PCNA: variants seen among roughly 807,000 people sequenced by gnomAD.
PCNA encodes DNA sliding clamp PCNA.
In PCNA, 4 loss-of-function variants were observed where a neutral mutation model predicts 27.8. The ratio of observed to expected loss-of-function variants is 0.14; its 90% CI spans 0.07 to 0.33. The LOEUF is 0.33. PCNA is among the 10% of genes least tolerant of loss of function. The probability of loss-of-function intolerance (pLI) is 1.00; values close to 1 mark genes in which losing one functional copy is unlikely to be tolerated. For missense variants in PCNA, 165 were observed against 327.4 expected (o/e 0.50, Z 3.83); for synonymous variants, 121 against 119.4 (o/e 1.01, Z -0.09).
chr20:5,124,093 CAG>C (rs2090531871), upstream of PCNA, among the ~76,000 whole-genome samples: 7 of 152,238 alleles, frequency 4.6e-5, no homozygotes, highest in South Asian at 1.5e-3. Flanking sequence ...TCAATGGAGA[CAG>C]AATTTTAACC....
chr20:5,125,840 C>A (rs965587217), intron 1 of PCNA, among the ~76,000 whole-genome samples: 4 of 152,144 alleles, frequency 2.6e-5, no homozygotes, highest in African/African-American at 9.7e-5. Flanking sequence ...CAAGTACTTA[C>A]AATGGATGTG....
chr20:5,120,167 C>T (rs942627239), upstream of PCNA: 1 of 252,500 alleles, frequency 4.0e-6, no homozygotes, highest in Non-Finnish European at 8.1e-6. Flanking sequence ...CTCCTGAACC[C>T]GGCCGCAGAA....
At chr20:5,116,430 A>T (rs533798888) in intron 4 of PCNA, among the ~76,000 whole-genome samples, 7 of 146,750 alleles carry the variant, frequency 4.8e-5, no homozygotes, top group South Asian at 2.1e-4. Flanking sequence ...TTATTAATTT[A>T]AAAAAAAACC....
chr20:5,122,657 T>C (rs1198194984), upstream of PCNA, among the ~76,000 whole-genome samples: 1 of 152,230 alleles, frequency 6.6e-6, no homozygotes, highest in African/African-American at 2.4e-5. Flanking sequence ...CTTGGGTCCG[T>C]TAAAATCTCA....
chr20:5,117,321 T>C, intron 4 of PCNA, 149 bp downstream of exon 4: 1 of 631,330 alleles, frequency 1.6e-6, no homozygotes, highest in South Asian at 2.0e-5. Context: ...GGATGACACT[T>C]ATAAATCATT....
chr20:5,115,829 T>G (rs1239817022), intron 4 of PCNA, among the ~76,000 whole-genome samples: 1 of 152,030 alleles, frequency 6.6e-6, no homozygotes, highest in Non-Finnish European at 1.5e-5. Flanking sequence ...AGCCAATAAG[T>G]GAATAAAACG....
In PCNA at chr20:5,115,556, T is replaced by G; in HGVS notation, c.599A>C (p.Asn200Thr). ...KEEEAVTIEMNEPVQLTFALR... is the reference protein window; with the variant it reads ...KEEEAVTIEMTEPVQLTFALR... ...TGCAAAAGTTAGTTGAACTGGTTCA[T>G]TCATCTCTATGGTAACCTACAAAAC... Residue 200 changes from asparagine to threonine, a missense_variant, in exon 5 of 6, where the codon AAT (asparagine) becomes ACT (threonine). Coordinates refer to ENST00000379143, the MANE Select transcript of PCNA (RefSeq NM_182649.2). 6.2e-7 allele frequency: 1 copy of G among 1,613,870 alleles called. No homozygotes were observed. Among genetic ancestry groups the G allele is most frequent in the East Asian group, 2.2e-5 (1 of 44,864 alleles).
In PCNA at chr20:5,119,529, C is replaced by T. The variant is rs372942945; in HGVS notation, c.221+49G>A. The T allele has an allele frequency of 1.1e-4, 160 of 1,485,062 alleles. No homozygotes were observed. The African/African-American group carries it at 2.0e-3, about 18-fold the overall frequency. The allele number at this position is 1,485,062 out of a possible 1,614,324, so 92.0% of individuals were successfully genotyped here. A position where few individuals can be genotyped will look rare whatever the true frequency, so the allele number is the denominator to read the frequency against. The stretch of plus-strand genomic sequence containing the variant: ...GCTCGAAAGCGCTCCCGCCAAGCAC[C>T]GGAGGTGCAGGCGGGCCGGGGCCGG... On this transcript the variant is annotated intron_variant, in intron 1 of 5. Coordinates refer to ENST00000379143, the MANE Select transcript of PCNA (RefSeq NM_182649.2).
chr20:5,115,578 A>G lies in PCNA; in HGVS notation c.583-6T>C, dbSNP rs774745077. 5.0e-6 allele frequency: 8 copies of G among 1,610,782 alleles called. No individual in the cohort carries two copies. The African/African-American group carries it at 6.7e-5, about 13-fold the overall frequency. ...TCATTCATCTCTATGGTAACCTACA[A>G]AACAAAAGATTCATCATTGAAAAAC... On this transcript the variant is annotated splice_polypyrimidine_tract_variant and splice_region_variant and intron_variant, in intron 4 of 5. Transcript: ENST00000379143.
At position 5,118,713 on chromosome 20, in the gene PCNA, GAC is replaced by G. The variant is rs767379678; in HGVS notation, c.320-38_320-37del. On this transcript the variant is annotated intron_variant, in intron 2 of 5. Transcript: ENST00000379143. ...AAAGCAGATGCTTTTGAGAAATACT[GAC>G]ACAGAGTTTTGATTTTCTGTAGCTT... 18 of 1,607,122 alleles carry G rather than the reference GAC, an allele frequency of 1.1e-5. No individual in the cohort carries two copies. The Admixed American group carries it at 1.2e-4, about 10-fold the overall frequency.
intron 4 of PCNA, among the ~76,000 whole-genome samples, chr20:5,116,648 T>C (rs909483942): frequency 1.3e-5 from 2 of 152,174 alleles, no homozygotes; most frequent in African/African-American, 4.8e-5. Context: ...ATGCCCAGGT[T>C]AGCGAGTTTT....
Position 5,119,654 on chromosome 20 carries a change from G to C in PCNA, c.145C>G (p.Gln49Glu). The C allele has an allele frequency of 6.2e-7, 1 of 1,613,574 alleles. No individual in the cohort carries two copies. Among genetic ancestry groups the C allele is most frequent in the Non-Finnish European group, 8.5e-7 (1 of 1,179,810 alleles). ...AAGCCCTCAGACCGCAGGGTGAGCT[G>C]CACCAAAGAGACGTGGGACGAGTCC... ...SMDSSHVSLV[Q>E]LTLRSEGFDT... Residue 49 changes from glutamine to glutamate, a missense_variant, in exon 1 of 6, where the codon CAG (glutamine) becomes GAG (glutamate). Gln to Glu is a conservative substitution (Grantham distance 29). Coordinates refer to ENST00000379143, the MANE Select transcript of PCNA (RefSeq NM_182649.2).
intron 4 of PCNA, 42 bp from the exon 5 acceptor site, chr20:5,115,614 T>C (rs764596994): frequency 8.5e-6 from 13 of 1,530,318 alleles, no homozygotes; most frequent in African/African-American, 1.4e-5. Context: ...ATCAAGAAAG[T>C]TGCAATCTAT....
At chr20:5,120,069 TCCCCGCGAGGCCCGC>T, upstream of PCNA, 1 of 461,158 alleles carries the variant, frequency 2.2e-6, no homozygotes, top group Middle Eastern at 6.1e-4. Context: ...GTGTCCATGC[TCCCCGCGAGGCCCGC>T]CCCCTAGAGC....
rs761910645 is a variant in PCNA at position 5,119,546 on chromosome 20, C to T, written c.221+32G>A. ...CCAAGCACCGGAGGTGCAGGCGGGC[C>T]GGGGCCGGCTTCCCGGGGCCGCGAG... On this transcript the variant is annotated intron_variant, in intron 1 of 5. Coordinates refer to ENST00000379143, the MANE Select transcript of PCNA (RefSeq NM_182649.2). The T allele has an allele frequency of 1.6e-5, 25 of 1,576,478 alleles. No homozygotes were observed. In the Middle Eastern group the frequency reaches 6.5e-4, roughly 41 times the overall value.
chr20:5,121,504 G>A, upstream of PCNA: 1 of 157,622 alleles, frequency 6.3e-6, no homozygotes, highest in Non-Finnish European at 1.4e-5. Context: ...TTCTGTATCA[G>A]CCTCTTAAAG....
chr20:5,115,677 G>A, intron 4 of PCNA, 105 bp from the exon 5 acceptor site: 1 of 920,816 alleles, frequency 1.1e-6, no homozygotes, highest in Non-Finnish European at 1.6e-6. Flanking sequence ...GGTCACTTTG[G>A]AGGGAGCTAT....
At chr20:5,125,494 TGAAAA>T (rs1469138576) in intron 1 of PCNA, among the ~76,000 whole-genome samples, 1 of 151,968 alleles carries the variant, frequency 6.6e-6, no homozygotes, top group Non-Finnish European at 1.5e-5. Context: ...ATTTAAAAAT[TGAAAA>T]GAAGAAAAAT....
intron 1 of PCNA, 82 bp from the exon 2 acceptor site, chr20:5,118,948 C>T (rs2090495629): frequency 1.2e-6 from 1 of 862,962 alleles, no homozygotes; most frequent in Non-Finnish European, 1.9e-6. Flanking sequence ...AAGGGGTTAC[C>T]ACTCTCACCC....
Sources: gnomAD v4.1 joint callset for allele counts (sites outside exome capture counted in the v4.1 genomes callset) on GRCh38, gnomAD v4.1.1 for gene constraint, MANE v1.5 for transcripts, NCBI Gene and HGNC (gene_info 2026-07-23, HGNC 2026-07-21) for gene names.